Variants in MLPH observed in about 807,000 individuals in gnomAD.
MLPH encodes exophilin-3.
A neutral mutation model predicts 72.1 loss-of-function variants in MLPH; 51 were observed. That is an observed-to-expected ratio of 0.71 (90% CI 0.56 to 0.89). The LOEUF (loss-of-function observed/expected upper bound fraction) is 0.89. Among genes scored for constraint, MLPH ranks in the 40% least tolerant of loss-of-function variants. The probability of loss-of-function intolerance (pLI) is 0.00; values close to 1 mark genes in which losing one functional copy is unlikely to be tolerated. For missense variants in MLPH, 743 were observed against 759.9 expected, an observed-to-expected ratio of 0.98 and a Z score of 0.26; for synonymous variants, 301 against 310.1, an observed-to-expected ratio of 0.97 and a Z score of 0.31.
intron 4 of MLPH, among the ~76,000 whole-genome samples, chr2:237,515,077 A>G (rs1186169656): frequency 2.0e-5 from 3 of 152,210 alleles, no homozygotes; most frequent in Admixed American, 2.0e-4. Context: ...AAACTGTACA[A>G]TGAGACTTAA....
chr2:237,496,002 C>G (rs900998292), intron 2 of MLPH, among the ~76,000 whole-genome samples: 15 of 152,338 alleles, frequency 9.8e-5, no homozygotes, highest in Non-Finnish European at 1.9e-4. Context: ...ATTCTCTCTA[C>G]GTAAACTCAA....
At chr2:237,545,830 G>T in intron 12 of MLPH, 1 of 282,598 alleles carries the variant, frequency 3.5e-6, no homozygotes, top group Non-Finnish European at 6.4e-6. Flanking sequence ...TCTAGTATAA[G>T]TATACCCCAT....
chr2:237,516,987 T>G (rs1348967034), intron 4 of MLPH, among the ~76,000 whole-genome samples: 19 of 94,478 alleles, frequency 2.0e-4, no homozygotes, highest in Middle Eastern at 9.1e-3. Context: ...GCAGCTAAGG[T>G]GGTAGGTGAG....
intron 2 of MLPH, among the ~76,000 whole-genome samples, chr2:237,508,068 G>T (rs2079813465): frequency 6.6e-6 from 1 of 152,052 alleles, no homozygotes; most frequent in South Asian, 2.1e-4. Context: ...AACTTTTAGG[G>T]TTTCATCAAG....
At position 237,505,668 on chromosome 2, in the gene MLPH, C is replaced by T. The variant is rs191754953; in HGVS notation, c.111-4906C>T. Among the ~76,000 whole-genome samples the T allele has an allele frequency of 2.0e-5, 3 of 152,326 alleles. No individual in the cohort carries two copies. Among genetic ancestry groups the T allele is most frequent in the East Asian group, 1.9e-4 (1 of 5,174 alleles). On this transcript the variant is annotated intron_variant, in intron 2 of 15. Coordinates refer to ENST00000264605, the MANE Select transcript of MLPH (RefSeq NM_024101.7). The surrounding 1 kb of genome is among the most constrained non-coding windows in gnomAD (Gnocchi z 4.5). ...GCACAGGTCTGACCCCTTCACCCTG[C>T]GTGGCTCACCAATCCTGTCCAGACC...
At chr2:237,520,625 T>A (rs1181900643) in intron 6 of MLPH, among the ~76,000 whole-genome samples, 2 of 152,226 alleles carry the variant, frequency 1.3e-5, no homozygotes, top group Non-Finnish European at 2.9e-5. Context: ...AGTTGCTGGT[T>A]GATTATTATT....
intron 4 of MLPH, among the ~76,000 whole-genome samples, chr2:237,517,421 G>A (rs531923698): frequency 6.6e-6 from 1 of 151,294 alleles, no homozygotes; most frequent in East Asian, 2.0e-4. Context: ...ATGGATGGGT[G>A]GGTGAGTGGA....
At position 237,511,214 on chromosome 2, in the gene MLPH, G is replaced by A. The variant is rs1208487491; in HGVS notation, c.445+113G>A. On this transcript the variant is annotated intron_variant, in intron 4 of 15. Transcript: ENST00000264605. ...TGTACGTGTGTGTGTGCATGTGTGT[G>A]TGCACATGTGTGTGCATGCACATGC... 5 of 802,646 alleles carry A rather than the reference G, an allele frequency of 6.2e-6. No homozygotes were observed. In the East Asian group the frequency reaches 1.0e-4, roughly 16 times the overall value. The allele number at this position is 802,646 out of a possible 1,614,324, so 49.7% of individuals were successfully genotyped here.
In MLPH at chr2:237,541,319, G is replaced by A. The variant is rs909509356; in HGVS notation, c.1446+362G>A. On this transcript the variant is annotated intron_variant, in intron 11 of 15. Transcript: ENST00000264605. The surrounding 1 kb of genome is among the most constrained non-coding windows in gnomAD (Gnocchi z 5.1). Reference sequence around the variant, plus strand: ...CCTCAGCACTGGACTCTGTCCGGAGGGCCATCTGTGAGTCTGAGTTGTGGC... The same window carrying A: ...CCTCAGCACTGGACTCTGTCCGGAGAGCCATCTGTGAGTCTGAGTTGTGGC... Among the ~76,000 whole-genome samples the A allele has an allele frequency of 2.0e-5, 3 of 152,208 alleles. No homozygotes were observed. Among genetic ancestry groups the A allele is most frequent in the African/African-American group, 7.2e-5 (3 of 41,450 alleles).
Position 237,542,663 on chromosome 2 carries a change from A to G in MLPH, c.1539+4A>G. 2 of 1,506,222 alleles carry G rather than the reference A, an allele frequency of 1.3e-6. No homozygotes were observed. Among genetic ancestry groups the G allele is most frequent in the East Asian group, 2.7e-5 (1 of 37,138 alleles). 93.3% of individuals were successfully genotyped at this position (1,506,222 alleles called of 1,614,324 possible). On this transcript the variant is annotated splice_donor_region_variant and intron_variant, in intron 12 of 15. Coordinates refer to ENST00000264605, the MANE Select transcript of MLPH (RefSeq NM_024101.7). Reference sequence around the variant, plus strand: ...CCGGAGGAAGTCAAACCTCCCGGTGAGTGGGGGGCAGTGGTGAGTGGAGAC... The same window carrying G: ...CCGGAGGAAGTCAAACCTCCCGGTGGGTGGGGGGCAGTGGTGAGTGGAGAC...
At position 237,534,555 on chromosome 2, in the gene MLPH, C is replaced by G. The variant is rs767725759; in HGVS notation, c.1021-9C>G. ...TCCTCTGCCCACTGTTTCTCTCCTTCTGCTGCAGATCTTTGAGCTGAATAA... is the reference window on the plus strand; with the variant it reads ...TCCTCTGCCCACTGTTTCTCTCCTTGTGCTGCAGATCTTTGAGCTGAATAA... On this transcript the variant is annotated splice_polypyrimidine_tract_variant and intron_variant, in intron 8 of 15. Transcript: ENST00000264605. 6.2e-7 allele frequency: 1 copy of G among 1,612,398 alleles called. No individual in the cohort carries two copies. The highest frequency in any genetic ancestry group is 1.7e-5 in the Admixed American group (1 of 59,982).
chr2:237,547,064 G>A (rs955581223), intron 13 of MLPH, among the ~76,000 whole-genome samples: 23 of 152,240 alleles, frequency 1.5e-4, no homozygotes, highest in African/African-American at 5.5e-4. Flanking sequence ...TTCCGCGTAG[G>A]AGCAAGGCCA....
At position 237,510,699 on chromosome 2, in the gene MLPH, G is replaced by A; in HGVS notation, c.236G>A (p.Arg79Lys). Reference sequence around the variant, plus strand: ...TACCAGCTGCTTGTGAATAGCAAAAGGCAGTGCCTGGAATGTGGCCTCTTC... The same window carrying A: ...TACCAGCTGCTTGTGAATAGCAAAAAGCAGTGCCTGGAATGTGGCCTCTTC... Reference protein sequence around the residue: ...QPYQLLVNSKRQCLECGLFTC... With the variant: ...QPYQLLVNSKKQCLECGLFTC... Residue 79 changes from arginine (R) to lysine (K), a missense_variant, in exon 3 of 16, where the codon AGG becomes AAG. Coordinates refer to ENST00000264605, the MANE Select transcript of MLPH (RefSeq NM_024101.7). This position sits in a 1 kb window ranked among gnomAD's most constrained non-coding sequence, Gnocchi z 4.4. 1 of 1,613,746 alleles carries A rather than the reference G, an allele frequency of 6.2e-7. No homozygotes were observed. The highest frequency in any genetic ancestry group is 8.5e-7 in the Non-Finnish European group (1 of 1,180,042).
intron 14 of MLPH, 70 bp downstream of exon 14, chr2:237,549,348 G>A (rs536866203): frequency 1.2e-5 from 16 of 1,318,010 alleles, no homozygotes; most frequent in Admixed American, 3.4e-5. Flanking sequence ...ATGACCAGTC[G>A]CAGCTCTGTG....
At chr2:237,489,025 G>A (rs2106443800) in intron 1 of MLPH, among the ~76,000 whole-genome samples, 1 of 152,186 alleles carries the variant, frequency 6.6e-6, no homozygotes, top group African/African-American at 2.4e-5. Context: ...GGGCTGGAGA[G>A]GGCCAGAGAG....
chr2:237,486,928 G>C (rs2079327898), upstream of MLPH, among the ~76,000 whole-genome samples: 1 of 152,144 alleles, frequency 6.6e-6, no homozygotes, highest in African/African-American at 2.4e-5. Flanking sequence ...GCGCGCTCTA[G>C]AGCGCGCTCA....
At position 237,510,495 on chromosome 2, in the gene MLPH, G is replaced by C; in HGVS notation, c.111-79G>C. ...TATGTGTCTGTGTCTGTGTGTGTGT[G>C]TATGTACGTGTACACACTTAAAGCC... On this transcript the variant is annotated intron_variant, in intron 2 of 15. Coordinates refer to ENST00000264605, the MANE Select transcript of MLPH (RefSeq NM_024101.7). The surrounding 1 kb of genome is among the most constrained non-coding windows in gnomAD (Gnocchi z 4.4). The C allele has an allele frequency of 8.3e-7, 1 of 1,209,248 alleles. No homozygotes were observed. Among genetic ancestry groups the C allele is most frequent in the Non-Finnish European group, 1.2e-6 (1 of 829,040 alleles). 74.9% of individuals were successfully genotyped at this position (1,209,248 alleles called of 1,614,324 possible). A position where few individuals can be genotyped will look rare whatever the true frequency, so the allele number is the denominator to read the frequency against.
chr2:237,551,535 G>C (rs183437795), intron 14 of MLPH, among the ~76,000 whole-genome samples: 2 of 152,330 alleles, frequency 1.3e-5, no homozygotes, highest in East Asian at 3.9e-4. Flanking sequence ...GTGAAGAAGG[G>C]CGGGTGCCTG....
At position 237,511,099 on chromosome 2, in the gene MLPH, G is replaced by C; in HGVS notation, c.443G>C (p.Gly148Ala). The C allele has an allele frequency of 6.2e-7, 1 of 1,613,140 alleles. No individual in the cohort carries two copies. Among genetic ancestry groups the C allele is most frequent in the Non-Finnish European group, 8.5e-7 (1 of 1,179,346 alleles). The change falls in exon 4 of 16, where the codon GGA becomes GCA. Residue 148 changes from glycine (G) to alanine (A), a missense_variant and splice_region_variant. Physicochemically the swap from Gly to Ala is moderately conservative, Grantham distance 60. Coordinates refer to ENST00000264605, the MANE Select transcript of MLPH (RefSeq NM_024101.7). ...TCCCTCCACGGGCGGCTGCAGGGTG[G>C]AGGTAAGGAGTGGAGAGTAAGAACG... is the stretch of plus-strand genomic sequence containing the variant. ...IRSLHGRLQG[G>A]AGPELISEER...
Sources: allele counts gnomAD v4.1 joint callset (sites outside exome capture counted in the v4.1 genomes callset), GRCh38; gene constraint gnomAD v4.1.1; non-coding constraint Gnocchi (gnomAD v3.1); transcripts MANE v1.5; gene names NCBI Gene and HGNC (gene_info 2026-07-23, HGNC 2026-07-21).